The following EEFSEC variants were observed in gnomAD, a reference collection of about 807,000 sequenced individuals.
EEFSEC encodes the protein selenocysteine-specific elongation factor.
In EEFSEC, 43 loss-of-function variants were observed where a neutral mutation model predicts 42.1. That is an observed-to-expected ratio of 1.02 (90% CI 0.80 to 1.32). The LOEUF (loss-of-function observed/expected upper bound fraction) is 1.32, where lower values mean the gene tolerates loss of function less well. EEFSEC is among the 40% of genes most tolerant of loss of function. The pLI is 0.00. For synonymous variants in EEFSEC, 354 were observed against 339.1 expected, an observed-to-expected ratio of 1.04 and a Z score of -0.48; for missense variants, 745 against 803.6, an observed-to-expected ratio of 0.93 and a Z score of 0.88.
chr3:128,262,237 T>G lies in EEFSEC; in HGVS notation c.621+13T>G. 1.9e-6 allele frequency: 3 copies of G among 1,613,370 alleles called. No individual in the cohort carries two copies. Among genetic ancestry groups the G allele is most frequent in the African/African-American group, 1.3e-5 (1 of 75,010 alleles). ...AGAGCTCATTGAGGTACTGTCATCT[T>G]GAATCCAGGTTGCCCTTTAGCCCCA... is the stretch of plus-strand genomic sequence containing the variant. On this transcript the variant is annotated intron_variant, in intron 3 of 6. Transcript: ENST00000254730.
intron 1 of EEFSEC, among the ~76,000 whole-genome samples, chr3:128,219,407 C>T (rs914668823): frequency 6.6e-6 from 1 of 152,192 alleles, no homozygotes; most frequent in African/African-American, 2.4e-5. Context: ...CTCCTGGTGA[C>T]CCAGCCCACT....
intron 1 of EEFSEC, among the ~76,000 whole-genome samples, chr3:128,156,086 T>C (rs1944376619): frequency 6.6e-6 from 1 of 152,242 alleles, no homozygotes. Flanking sequence ...TAGTGTTGTC[T>C]AGTAAATAGG....
rs773260814 is a variant in EEFSEC at position 128,264,687 on chromosome 3, G to A, written c.692G>A (p.Cys231Tyr). 2 of 1,614,062 alleles carry A rather than the reference G, an allele frequency of 1.2e-6. No individual in the cohort carries two copies. Among genetic ancestry groups the A allele is most frequent in the Non-Finnish European group, 1.7e-6 (2 of 1,179,994 alleles). Residue 231 changes from cysteine to tyrosine, a missense_variant, in exon 4 of 7, where the codon TGT (cysteine) becomes TAT (tyrosine). Cys to Tyr is a radical substitution (Grantham distance 194). Transcript: ENST00000254730. The stretch of plus-strand genomic sequence containing the variant: ...CCGTTCCTCATGTCTGTGGACCACT[G>A]TTTCTCCATCAAAGGCCAAGGCACT... ...SGPFLMSVDHCFSIKGQGTVM... is the reference protein window; with the variant it reads ...SGPFLMSVDHYFSIKGQGTVM...
chr3:128,262,305 G>GCA (rs2066307080), intron 3 of EEFSEC, 81 bp downstream of exon 3: 1 of 1,267,242 alleles, frequency 7.9e-7, no homozygotes, highest in Non-Finnish European at 1.1e-6. Context: ...TCTCCCCTGA[G>GCA]AGAGAAAGAG....
At chr3:128,281,996 G>T (rs2066531017) in intron 4 of EEFSEC, among the ~76,000 whole-genome samples, 1 of 152,202 alleles carries the variant, frequency 6.6e-6, no homozygotes, top group Admixed American at 6.5e-5. Context: ...AGGCTGTCCA[G>T]CCTGCCTTGG....
chr3:128,423,559 C>T, the EEFSEC span, among the ~76,000 whole-genome samples: 1 of 152,192 alleles, frequency 6.6e-6, no homozygotes, highest in Non-Finnish European at 1.5e-5. Context: ...AGGCATTGTA[C>T]TAAGTGAAAG....
intron 6 of EEFSEC, 68 bp from the exon 7 acceptor site, chr3:128,408,001 G>A (rs77237038): frequency 7.1e-7 from 1 of 1,415,402 alleles, no homozygotes; most frequent in Non-Finnish European, 9.4e-7. Flanking sequence ...GGCAGCAGGT[G>A]CGCGGGCAGG....
intron 4 of EEFSEC, among the ~76,000 whole-genome samples, chr3:128,278,034 G>A (rs1276217372): frequency 6.6e-6 from 1 of 152,202 alleles, no homozygotes; most frequent in Non-Finnish European, 1.5e-5. Context: ...GTGCTGTAGA[G>A]GTAAGTGGCA....
the EEFSEC span, among the ~76,000 whole-genome samples, chr3:128,416,940 C>T: frequency 2.0e-5 from 3 of 152,140 alleles, no homozygotes; most frequent in East Asian, 5.8e-4. Flanking sequence ...CCTGGTGCCG[C>T]GGGTTCCTGC....
chr3:128,166,665 C>T (rs913817811), intron 1 of EEFSEC, among the ~76,000 whole-genome samples: 2 of 152,052 alleles, frequency 1.3e-5, no homozygotes, highest in African/African-American at 4.8e-5. Context: ...ATTCCACCCT[C>T]TCAGCTTCTT....
chr3:128,294,218 C>T (rs574032660), intron 4 of EEFSEC, among the ~76,000 whole-genome samples: 1 of 152,288 alleles, frequency 6.6e-6, no homozygotes, highest in African/African-American at 2.4e-5. Context: ...GATATCCCTC[C>T]TTCCCATAGG....
intron 4 of EEFSEC, among the ~76,000 whole-genome samples, chr3:128,287,800 CTA>C (rs2066602024): frequency 6.6e-6 from 1 of 152,190 alleles, no homozygotes; most frequent in African/African-American, 2.4e-5. Context: ...AAAATTCAAA[CTA>C]TGTAAAAGAT....
chr3:128,361,138 C>T (rs2067521476), intron 6 of EEFSEC, among the ~76,000 whole-genome samples: 1 of 152,114 alleles, frequency 6.6e-6, no homozygotes, highest in African/African-American at 2.4e-5. Context: ...ACTTCATGGG[C>T]CTCGCTGCCG....
At chr3:128,212,574 G>A (rs1456498981) in intron 1 of EEFSEC, among the ~76,000 whole-genome samples, 4 of 152,188 alleles carry the variant, frequency 2.6e-5, no homozygotes, top group Non-Finnish European at 4.4e-5. Context: ...ATTTAAAACC[G>A]AATGAGCAGT....
At chr3:128,236,827 A>C (rs576484743) in intron 1 of EEFSEC, among the ~76,000 whole-genome samples, 1 of 152,364 alleles carries the variant, frequency 6.6e-6, no homozygotes, top group South Asian at 2.1e-4. Context: ...CCTGCTTCGC[A>C]GACAGCTCGG....
At chr3:128,234,802 C>G (rs1412233501) in intron 1 of EEFSEC, among the ~76,000 whole-genome samples, 8 of 152,178 alleles carry the variant, frequency 5.3e-5, no homozygotes, top group Non-Finnish European at 1.2e-4. Flanking sequence ...TAAGGGACGT[C>G]GATCCCAGTG....
chr3:128,404,693 G>C (rs1282806562), intron 6 of EEFSEC, among the ~76,000 whole-genome samples: 1 of 152,242 alleles, frequency 6.6e-6, no homozygotes, highest in Non-Finnish European at 1.5e-5. Flanking sequence ...ATCCCAAGCG[G>C]GGGGCAGACC....
At chr3:128,383,590 G>T (rs908050325) in intron 6 of EEFSEC, among the ~76,000 whole-genome samples, 1 of 152,144 alleles carries the variant, frequency 6.6e-6, no homozygotes, top group African/African-American at 2.4e-5. Context: ...TAGAGCCTGA[G>T]CTCCTGGCTG....
chr3:128,304,485 C>T (rs554345900), intron 4 of EEFSEC, among the ~76,000 whole-genome samples: 2 of 151,828 alleles, frequency 1.3e-5, no homozygotes, highest in Admixed American at 6.6e-5. Context: ...TCCTGTAACC[C>T]GCCACCTTCC....
Sources: allele counts gnomAD v4.1 joint callset (sites outside exome capture counted in the v4.1 genomes callset), GRCh38; gene constraint gnomAD v4.1.1; transcripts MANE v1.5; gene names NCBI Gene and HGNC (gene_info 2026-07-23, HGNC 2026-07-21).